Variants in CACNA1B observed in about 807,000 individuals in gnomAD.
The protein encoded by CACNA1B is calcium voltage-gated channel subunit alpha1 B.
Under a neutral mutation model 247.2 loss-of-function variants are expected in CACNA1B, and 70 were observed. The observed-to-expected ratio is 0.28, with a 90% CI of 0.23 to 0.35. The LOEUF is 0.35. CACNA1B is among the 10% of genes least tolerant of loss of function. CACNA1B has a pLI of 1.00. For synonymous variants in CACNA1B, 1,231 were observed against 1,294.4 expected (o/e 0.95, Z 1.05); for missense variants, 2,367 against 3,197.4 (o/e 0.74, Z 6.26).
chr9:138,074,265 G>A (rs1960234732), intron 34 of CACNA1B, among the ~76,000 whole-genome samples, 199 bp downstream of exon 34: 1 of 149,622 alleles, frequency 6.7e-6, no homozygotes, highest in Non-Finnish European at 1.5e-5. Flanking sequence ...TTTTGAGACA[G>A]AGTCTGGCTT....
rs201481972 is a variant in CACNA1B at position 138,013,235 on chromosome 9, C to A, written c.2267C>A (p.Ala756Asp). 5 of 1,585,604 alleles carry A rather than the reference C, an allele frequency of 3.2e-6. No homozygotes were observed. The highest frequency in any genetic ancestry group is 4.3e-6 in the Non-Finnish European group (5 of 1,166,354). Residue 756 changes from alanine to aspartate, a missense_variant and splice_region_variant, in exon 18 of 47, where the codon GCC (alanine) becomes GAC (aspartate). Coordinates refer to ENST00000371372, the MANE Select transcript of CACNA1B (RefSeq NM_000718.4). ...TCTGCCGCGAACATCTCCATCGCCG[C>A]GTAAGGCTCCTAGGAGTGGATTGTG... ...PMSAANISIA[A>D]RQQNSAKARS...
chr9:138,072,604 A>G lies in CACNA1B; in HGVS notation c.4675-884A>G, dbSNP rs904983438. Among the ~76,000 whole-genome samples the G allele has an allele frequency of 6.6e-6, 1 of 152,238 alleles. No individual in the cohort carries two copies. The highest frequency in any genetic ancestry group is 2.4e-5 in the African/African-American group (1 of 41,460). The stretch of plus-strand genomic sequence containing the variant: ...GTGTGTGGGCACCTGACCTCTAGGT[A>G]GACAGAGGGCAGAAAGCCTCCTGGG... On this transcript the variant is annotated intron_variant, in intron 32 of 46. Transcript: ENST00000371372. This position sits in a 1 kb window ranked among gnomAD's most constrained non-coding sequence, Gnocchi z 4.5.
At chr9:138,055,030 T>C (rs1164749824) in intron 26 of CACNA1B, among the ~76,000 whole-genome samples, 1 of 152,196 alleles carries the variant, frequency 6.6e-6, no homozygotes. Flanking sequence ...AGGAACCCTT[T>C]GTCATATGTA....
Position 137,881,478 on chromosome 9 carries a change from C to A in CACNA1B, c.391-1266C>A, listed in dbSNP as rs112701447. Reference sequence around the variant, plus strand: ...ACCTGGCAGCTCTGTGGCAGCCCAGCAGCTGCTTCTTCCTGTGACTTCCAC... The same window carrying A: ...ACCTGGCAGCTCTGTGGCAGCCCAGAAGCTGCTTCTTCCTGTGACTTCCAC... On this transcript the variant is annotated intron_variant, in intron 2 of 46. Coordinates refer to ENST00000371372, the MANE Select transcript of CACNA1B (RefSeq NM_000718.4). The surrounding 1 kb of genome is among the most constrained non-coding windows in gnomAD (Gnocchi z 4.3). Among the ~76,000 whole-genome samples the A allele has an allele frequency of 6.8e-4, 104 of 152,178 alleles. 2 individuals are homozygous for A. The highest frequency in any genetic ancestry group is 2.3e-3 in the African/African-American group (95 of 41,434).
At position 137,950,420 on chromosome 9, in the gene CACNA1B, G is replaced by A. The variant is rs549788419; in HGVS notation, c.967-1854G>A. On this transcript the variant is annotated intron_variant, in intron 6 of 46. Coordinates refer to ENST00000371372, the MANE Select transcript of CACNA1B (RefSeq NM_000718.4). The surrounding 1 kb of genome is among the most constrained non-coding windows in gnomAD (Gnocchi z 4.8). ...CCCGTGTGGTCTTCACTAGTACCGC[G>A]GAGGTGGGCTTGGGCTGGGGGGCCG... 1.3e-5 allele frequency among the ~76,000 whole-genome samples: 2 copies of A among 152,346 alleles called. No individual in the cohort carries two copies. The highest frequency in any genetic ancestry group is 2.1e-4 in the South Asian group (1 of 4,828).
At chr9:138,040,384 T>C (rs1244344681) in intron 20 of CACNA1B, among the ~76,000 whole-genome samples, 1 of 151,912 alleles carries the variant, frequency 6.6e-6, no homozygotes, top group Non-Finnish European at 1.5e-5. Context: ...TGAGTTCATA[T>C]ATGACTGATC....
chr9:137,892,935 A>G (rs774520270), intron 3 of CACNA1B, among the ~76,000 whole-genome samples: 19 of 152,192 alleles, frequency 1.2e-4, no homozygotes, highest in Admixed American at 3.9e-4. Flanking sequence ...GGGCTCCCAG[A>G]GCCCGACAGG....
chr9:137,911,963 A>G (rs1447285631), intron 3 of CACNA1B, among the ~76,000 whole-genome samples: 1 of 152,198 alleles, frequency 6.6e-6, no homozygotes, highest in African/African-American at 2.4e-5. Flanking sequence ...ACAAAGGGGG[A>G]AGGAGCAGGA....
rs1228319365 is a variant in CACNA1B, at chr9:137,889,309, G to A, written c.530+6426G>A. Among the ~76,000 whole-genome samples the A allele has an allele frequency of 8.0e-5, 12 of 150,286 alleles. 1 individual carries two copies. Among genetic ancestry groups the A allele is most frequent in the South Asian group, 4.2e-4 (2 of 4,758 alleles). ...GCAGCACCCCGACCTCCAGTGCCGG[G>A]TCGGGCTGGGGTTTGCCAGACATTC... On this transcript the variant is annotated intron_variant, in intron 3 of 46. Transcript: ENST00000371372.
intron 36 of CACNA1B, among the ~76,000 whole-genome samples, chr9:138,079,465 G>A (rs1053474547): frequency 9.2e-5 from 14 of 152,096 alleles, no homozygotes; most frequent in Non-Finnish European, 1.5e-4. Context: ...TAACTGGGCC[G>A]GGCGTGGTGG....
At chr9:138,009,145 C>T (rs963051316) in intron 16 of CACNA1B, among the ~76,000 whole-genome samples, 1 of 152,218 alleles carries the variant, frequency 6.6e-6, no homozygotes, top group African/African-American at 2.4e-5. Context: ...AGGACCTGGT[C>T]CCGCGAGCTT....
chr9:138,001,753 TAATA>T (rs926547615), intron 15 of CACNA1B, among the ~76,000 whole-genome samples: 6 of 152,170 alleles, frequency 3.9e-5, no homozygotes, highest in Admixed American at 1.3e-4. Flanking sequence ...CTTTTCTATA[TAATA>T]AATAACATTA....
At chr9:138,043,132 T>C (rs1959146625) in intron 20 of CACNA1B, among the ~76,000 whole-genome samples, 1 of 152,080 alleles carries the variant, frequency 6.6e-6, no homozygotes, top group Admixed American at 6.6e-5. Context: ...GGAGTTTGAT[T>C]TGTGGGAGCA....
intron 15 of CACNA1B, among the ~76,000 whole-genome samples, chr9:138,000,316 T>C (rs577349917): frequency 2.6e-4 from 39 of 152,006 alleles, no homozygotes; most frequent in Non-Finnish European, 3.5e-4. Flanking sequence ...GCCAGGATGG[T>C]CTCGATCTCC....
chr9:138,009,900 C>T (rs1302067668), intron 16 of CACNA1B, 110 bp from the exon 17 acceptor site: 6 of 818,612 alleles, frequency 7.3e-6, no homozygotes, highest in Non-Finnish European at 1.2e-5. Flanking sequence ...CTGGTAGGTG[C>T]CAAGGGAAGG....
intron 23 of CACNA1B, among the ~76,000 whole-genome samples, chr9:138,048,395 G>A (rs1792118006): frequency 6.6e-6 from 1 of 152,208 alleles, no homozygotes; most frequent in Non-Finnish European, 1.5e-5. Flanking sequence ...AGCAGATGGA[G>A]ATGGAGACCT....
chr9:138,105,265 T>C (rs1961381801), intron 38 of CACNA1B, among the ~76,000 whole-genome samples: 1 of 152,170 alleles, frequency 6.6e-6, no homozygotes, highest in South Asian at 2.1e-4. Context: ...ACCTACTCCT[T>C]GTCCAGATGA....
chr9:137,933,387 G>A (rs749456652), intron 6 of CACNA1B, among the ~76,000 whole-genome samples: 1 of 152,184 alleles, frequency 6.6e-6, no homozygotes, highest in Non-Finnish European at 1.5e-5. Context: ...GACCGGACCA[G>A]AATTTTCGCT....
At chr9:137,911,057 G>A (rs564639780) in intron 3 of CACNA1B, among the ~76,000 whole-genome samples, 2 of 152,190 alleles carry the variant, frequency 1.3e-5, no homozygotes, top group African/African-American at 2.4e-5. Flanking sequence ...GTTACTTTCT[G>A]TATTTGGTGT....
Sources: allele counts gnomAD v4.1 joint callset (sites outside exome capture counted in the v4.1 genomes callset), GRCh38; gene constraint gnomAD v4.1.1; non-coding constraint Gnocchi (gnomAD v3.1); transcripts MANE v1.5; gene names NCBI Gene and HGNC (gene_info 2026-07-23, HGNC 2026-07-21).